FILIP1L: variants seen among roughly 807,000 people sequenced by gnomAD.
FILIP1L encodes the protein filamin A interacting protein 1 like, also known as filamin A-interacting protein 1-like.
FILIP1L carries 55 observed loss-of-function variants against 96.6 expected under a neutral mutation model. The ratio of observed to expected loss-of-function variants is 0.57; its 90% confidence interval spans 0.46 to 0.71. The LOEUF (loss-of-function observed/expected upper bound fraction) is 0.71. FILIP1L is among the 30% of genes least tolerant of loss of function. The pLI is 0.00. For missense variants in FILIP1L, 1,304 were observed against 1,321.2 expected, an observed-to-expected ratio of 0.99 and a Z score of 0.20; for synonymous variants, 467 against 473.9, an observed-to-expected ratio of 0.99 and a Z score of 0.19.
intron 1 of FILIP1L, among the ~76,000 whole-genome samples, chr3:100,071,731 C>A (rs189605242): frequency 6.6e-6 from 1 of 152,282 alleles, no homozygotes; most frequent in East Asian, 1.9e-4. Flanking sequence ...GACTGCTCCT[C>A]CCCAAATGAT....
chr3:100,026,925 TA>T (rs2064933504), intron 1 of FILIP1L, among the ~76,000 whole-genome samples: 2 of 152,030 alleles, frequency 1.3e-5, no homozygotes, highest in Admixed American at 6.6e-5. Flanking sequence ...CAATAACCCA[TA>T]AGACTCTCCG....
At chr3:99,852,486 G>A (rs746206026) in intron 4 of FILIP1L, among the ~76,000 whole-genome samples, 2 of 151,554 alleles carry the variant, frequency 1.3e-5, no homozygotes, top group Non-Finnish European at 2.9e-5. Flanking sequence ...TCACTCTGTC[G>A]CCAGGCTGGA....
intron 4 of FILIP1L, among the ~76,000 whole-genome samples, chr3:99,896,814 T>A (rs1706270331): frequency 6.6e-6 from 1 of 152,220 alleles, no homozygotes; most frequent in South Asian, 2.1e-4. Flanking sequence ...ATAAGCAATG[T>A]TGCCTACTAA....
intron 1 of FILIP1L, among the ~76,000 whole-genome samples, chr3:100,051,593 G>A (rs1213855992): frequency 2.8e-5 from 4 of 143,440 alleles, no homozygotes; most frequent in Non-Finnish European, 4.5e-5. Flanking sequence ...ACCTATGAGT[G>A]AGAACATGCA....
chr3:99,832,863 T>TTG (rs1942739608), intron 5 of FILIP1L, among the ~76,000 whole-genome samples: 2 of 144,566 alleles, frequency 1.4e-5, no homozygotes, highest in African/African-American at 2.6e-5. Context: ...AAAAAGTTGT[T>TTG]TTTTTTTTTT....
chr3:100,056,746 TC>T (rs2065470574), intron 1 of FILIP1L, among the ~76,000 whole-genome samples: 1 of 149,546 alleles, frequency 6.7e-6, no homozygotes, highest in South Asian at 2.1e-4. Flanking sequence ...ACGCCTGTAA[TC>T]CCAGCCCTTT....
At chr3:99,997,030 G>A (rs532161399) in intron 1 of FILIP1L, among the ~76,000 whole-genome samples, 1 of 152,272 alleles carries the variant, frequency 6.6e-6, no homozygotes, top group African/African-American at 2.4e-5. Flanking sequence ...AGCATTAAAT[G>A]CGTACATCAA....
chr3:99,894,869 C>T (rs544137629), intron 4 of FILIP1L, among the ~76,000 whole-genome samples: 9 of 152,276 alleles, frequency 5.9e-5, no homozygotes, highest in East Asian at 1.9e-4. Flanking sequence ...TTCTTGCAAA[C>T]GTATAGAGTT....
At chr3:100,110,305 G>A (rs147976390) in intron 1 of FILIP1L, among the ~76,000 whole-genome samples, 48 of 152,164 alleles carry the variant, frequency 3.2e-4, no homozygotes, top group Non-Finnish European at 6.0e-4. Flanking sequence ...GTCACAACCT[G>A]TCAGTTTAAT....
At chr3:100,075,887 G>T (rs1324666029) in intron 1 of FILIP1L, among the ~76,000 whole-genome samples, 2 of 152,060 alleles carry the variant, frequency 1.3e-5, no homozygotes, top group Admixed American at 6.6e-5. Flanking sequence ...AATCCTTCTG[G>T]GGTATTAGGA....
At chr3:99,837,872 T>C (rs1248705297) in intron 5 of FILIP1L, among the ~76,000 whole-genome samples, 1 of 152,244 alleles carries the variant, frequency 6.6e-6, no homozygotes, top group Non-Finnish European at 1.5e-5. Context: ...GTCTTTATAG[T>C]GGCTGGACCT....
chr3:99,860,471 T>C (rs1397639354), intron 4 of FILIP1L, among the ~76,000 whole-genome samples: 3 of 152,088 alleles, frequency 2.0e-5, no homozygotes, highest in Admixed American at 6.5e-5. Context: ...CTCACTCTTT[T>C]AAGAGCAGAA....
At chr3:100,030,288 G>A (rs1444087829) in intron 1 of FILIP1L, among the ~76,000 whole-genome samples, 1 of 152,100 alleles carries the variant, frequency 6.6e-6, no homozygotes, top group Non-Finnish European at 1.5e-5. Context: ...ATGAGAAAGG[G>A]ATCTATGCCA....
intron 4 of FILIP1L, among the ~76,000 whole-genome samples, chr3:99,879,517 T>C (rs1286407507): frequency 1.3e-5 from 2 of 152,240 alleles, no homozygotes; most frequent in Non-Finnish European, 2.9e-5. Context: ...TTTTCTTTCA[T>C]GTCTTCTCTC....
chr3:99,994,960 G>A (rs1005218835), intron 1 of FILIP1L, among the ~76,000 whole-genome samples: 1 of 152,048 alleles, frequency 6.6e-6, no homozygotes, highest in African/African-American at 2.4e-5. Flanking sequence ...TTTGGGTGGG[G>A]ACACAGCCAA....
intron 1 of FILIP1L, among the ~76,000 whole-genome samples, chr3:100,059,978 T>C (rs1431371457): frequency 2.0e-5 from 3 of 151,246 alleles, no homozygotes; most frequent in African/African-American, 7.3e-5. Context: ...AATGATTAAT[T>C]TAAAATGTGA....
intron 1 of FILIP1L, among the ~76,000 whole-genome samples, chr3:100,003,590 GAC>G (rs1709905053): frequency 6.6e-6 from 1 of 152,280 alleles, no homozygotes; most frequent in African/African-American, 2.4e-5. Context: ...TCAGTCCCTT[GAC>G]ACTAAGTACA....
intron 5 of FILIP1L, among the ~76,000 whole-genome samples, chr3:99,834,857 A>G (rs793477): frequency 0.085 from 12,895 of 152,266 alleles, 741 homozygotes; most frequent in Middle Eastern, 0.19. Flanking sequence ...CACTTTACCC[A>G]TGTAAACCTC....
chr3:99,867,217 C>T (rs1200320460), intron 4 of FILIP1L, among the ~76,000 whole-genome samples: 2 of 152,138 alleles, frequency 1.3e-5, no homozygotes, highest in Non-Finnish European at 2.9e-5. Context: ...GGGTCTGCTG[C>T]TTATACTGTC....
Sources: allele counts gnomAD v4.1 joint callset (sites outside exome capture counted in the v4.1 genomes callset), GRCh38; gene constraint gnomAD v4.1.1; transcripts MANE v1.5; gene names NCBI Gene and HGNC (gene_info 2026-07-23, HGNC 2026-07-21).